ZDHHC5: variants seen among roughly 807,000 people sequenced by gnomAD.
The protein encoded by ZDHHC5 is zDHHC palmitoyltransferase 5, also known as palmitoyltransferase ZDHHC5.
Under a neutral mutation model 70.0 loss-of-function variants are expected in ZDHHC5, and 22 were observed. That is an observed-to-expected ratio of 0.31 (90% CI 0.22 to 0.45). The LOEUF (loss-of-function observed/expected upper bound fraction) is 0.45. Among genes scored for constraint, ZDHHC5 ranks in the 20% least tolerant of loss-of-function variants. The pLI, the probability that ZDHHC5 is intolerant of heterozygous loss-of-function variation, is 1.00. For missense variants in ZDHHC5, 746 were observed against 926.9 expected, an observed-to-expected ratio of 0.80 and a Z score of 2.53; for synonymous variants, 313 against 347.8, an observed-to-expected ratio of 0.90 and a Z score of 1.11.
At chr11:57,679,927 C>G (rs1442027725) in intron 2 of ZDHHC5, among the ~76,000 whole-genome samples, 2 of 152,092 alleles carry the variant, frequency 1.3e-5, no homozygotes, top group Admixed American at 6.6e-5. Flanking sequence ...TTTCTAGATT[C>G]TGGCACTGTG....
intron 9 of ZDHHC5, among the ~76,000 whole-genome samples, 160 bp downstream of exon 9, chr11:57,696,203 A>G (rs1043202813): frequency 3.3e-5 from 5 of 152,178 alleles, no homozygotes; most frequent in Admixed American, 6.5e-5. Context: ...ACTGAAAGAG[A>G]AGAGAGGCCA....
intron 5 of ZDHHC5, 44 bp downstream of exon 5, chr11:57,690,247 G>C: frequency 6.2e-7 from 1 of 1,613,282 alleles, no homozygotes; most frequent in Non-Finnish European, 8.5e-7. Flanking sequence ...GAAGGGGGAG[G>C]AATGAGGGCT....
intron 2 of ZDHHC5, among the ~76,000 whole-genome samples, chr11:57,680,633 A>G (rs1019611573): frequency 2.0e-5 from 3 of 152,080 alleles, no homozygotes; most frequent in African/African-American, 7.2e-5. Flanking sequence ...CAAGTGAGTC[A>G]CCCTTTCTCT....
At chr11:57,686,016 A>G (rs1450120001) in intron 3 of ZDHHC5, among the ~76,000 whole-genome samples, 1 of 152,224 alleles carries the variant, frequency 6.6e-6, no homozygotes, top group Non-Finnish European at 1.5e-5. Context: ...GTGAGACTAC[A>G]TCTCAAAACA....
intron 4 of ZDHHC5, among the ~76,000 whole-genome samples, 177 bp downstream of exon 4, chr11:57,688,842 A>G (rs1314696099): frequency 1.3e-5 from 2 of 152,198 alleles, no homozygotes; most frequent in African/African-American, 4.8e-5. Flanking sequence ...GAGCATAAAT[A>G]TTATTGCAGG....
In ZDHHC5 at chr11:57,698,912, C is replaced by T. The variant is rs1946395017; in HGVS notation, c.1476C>T (p.Asp492=). The T allele has an allele frequency of 6.2e-7, 1 of 1,614,080 alleles. No individual in the cohort carries two copies. The highest frequency in any genetic ancestry group is 1.3e-5 in the African/African-American group (1 of 74,934). The change falls in exon 11 of 12, where the codon GAC becomes GAT. Residue 492 remains aspartate, a synonymous_variant. Transcript: ENST00000287169. ...CAGTGCAGGCAGGGCCTGAGCCAGA[C>T]CCACCTTTAGGCTATACCTCTCCCT... ...FESVQAGPEP[D]PPLGYTSPFL...
At chr11:57,687,432 G>A (rs1019412688) in intron 3 of ZDHHC5, among the ~76,000 whole-genome samples, 4 of 151,978 alleles carry the variant, frequency 2.6e-5, no homozygotes, top group African/African-American at 7.2e-5. Context: ...ATTAGCTGCC[G>A]AAGTGGCGTG....
At chr11:57,695,197 G>C (rs1946333880) in intron 8 of ZDHHC5, among the ~76,000 whole-genome samples, 1 of 152,152 alleles carries the variant, frequency 6.6e-6, no homozygotes, top group Non-Finnish European at 1.5e-5. Context: ...GGGAGGCGGA[G>C]GTTGCAGTGA....
chr11:57,699,522 A>AG (rs1946412323), intron 11 of ZDHHC5, 104 bp downstream of exon 11: 5 of 1,475,772 alleles, frequency 3.4e-6, no homozygotes, highest in Non-Finnish European at 3.6e-6. Flanking sequence ...AGGTGGACCC[A>AG]GGGGTATCCT....
intron 9 of ZDHHC5, among the ~76,000 whole-genome samples, chr11:57,696,389 C>G (rs1946352121): frequency 6.6e-6 from 1 of 152,156 alleles, no homozygotes; most frequent in Non-Finnish European, 1.5e-5. Context: ...CTTGTCCTCT[C>G]CCTGTACTTA....
Position 57,692,697 on chromosome 11 carries a change from A to G in ZDHHC5, c.747A>G (p.Ala249=), listed in dbSNP as rs1325789264. Residue 249 remains alanine (A), a synonymous_variant, in exon 7 of 12, where the codon GCA becomes GCG. Coordinates refer to ENST00000287169, the MANE Select transcript of ZDHHC5 (RefSeq NM_015457.3). ...GCCGTGTTCTCTGCAGTTCTCCAGC[A>G]CCCAGGTACACCTATCCCTCTGGTC... ...NVSRVLCSSP[A]PRYLGRPKKE... 1 of 1,614,072 alleles carries G rather than the reference A, an allele frequency of 6.2e-7. No homozygotes were observed. Among genetic ancestry groups the G allele is most frequent in the South Asian group, 1.1e-5 (1 of 91,070 alleles).
chr11:57,686,318 A>G (rs1444626023), intron 3 of ZDHHC5, among the ~76,000 whole-genome samples: 1 of 151,898 alleles, frequency 6.6e-6, no homozygotes, highest in African/African-American at 2.4e-5. Context: ...AAAGAAAAAA[A>G]TCTTTTTTTT....
rs75354968 is a variant in ZDHHC5, at chr11:57,686,673, G to A, written c.227-1835G>A. On this transcript the variant is annotated intron_variant, in intron 3 of 11. Transcript: ENST00000287169. ...TAAGTAGTGCACATTCATTATGTAC[G>A]AAGTACAAAAAAGGCAAAACATTAC... Among the ~76,000 whole-genome samples the A allele has an allele frequency of 6.8e-3, 1,028 of 152,076 alleles. 21 individuals are homozygous for A. Among genetic ancestry groups the A allele is most frequent in the Admixed American group, 0.052 (796 of 15,280 alleles).
chr11:57,681,951 G>T (rs1377605020), intron 2 of ZDHHC5, among the ~76,000 whole-genome samples: 1 of 152,240 alleles, frequency 6.6e-6, no homozygotes, highest in Admixed American at 6.5e-5. Context: ...CCCTGGCAAG[G>T]GGGAGGCGGG....
intron 3 of ZDHHC5, among the ~76,000 whole-genome samples, chr11:57,687,149 C>T (rs927754576): frequency 6.6e-6 from 1 of 152,042 alleles, no homozygotes; most frequent in Non-Finnish European, 1.5e-5. Context: ...CTTTACCTAG[C>T]ATTTCTTGTG....
Position 57,699,043 on chromosome 11 carries a change from T to C in ZDHHC5, c.1607T>C (p.Leu536Pro), listed in dbSNP as rs770950225. Residue 536 changes from leucine to proline, a missense_variant, in exon 11 of 12, where the codon CTG (leucine) becomes CCG (proline). Leu to Pro is a moderately conservative substitution (Grantham distance 98, BLOSUM62 -3). Transcript: ENST00000287169. ...REPSPVRYDN[L>P]SRHIVASLQE... is the part of the protein sequence containing the mutation. ...CCCTCACCAGTCCGTTACGACAATCTGTCGCGCCACATTGTGGCCTCTCTC... is the reference window on the plus strand; with the variant it reads ...CCCTCACCAGTCCGTTACGACAATCCGTCGCGCCACATTGTGGCCTCTCTC... 1 of 1,611,782 alleles carries C rather than the reference T, an allele frequency of 6.2e-7. No homozygotes were observed. Among genetic ancestry groups the C allele is most frequent in the East Asian group, 2.2e-5 (1 of 44,828 alleles).
rs1057370704 is a variant in ZDHHC5 at position 57,696,142 on chromosome 11, C to T, written c.1009+99C>T. 8 of 1,482,478 alleles carry T rather than the reference C, an allele frequency of 5.4e-6. No individual in the cohort carries two copies. In the African/African-American group the frequency reaches 7.0e-5, roughly 13 times the overall value. 91.8% of individuals were successfully genotyped at this position (1,482,478 alleles called of 1,614,324 possible). On this transcript the variant is annotated intron_variant, in intron 9 of 11. Coordinates refer to ENST00000287169, the MANE Select transcript of ZDHHC5 (RefSeq NM_015457.3). ...GACAGGCAAGGGCTGGGAGATATTA[C>T]TCGTGTTGTGACTTTAAACACCCAA...
Position 57,672,930 on chromosome 11 carries a change from T to G in ZDHHC5, c.-161T>G. On this transcript the variant is annotated 5_prime_UTR_variant, in exon 2 of 12. Coordinates refer to ENST00000287169, the MANE Select transcript of ZDHHC5 (RefSeq NM_015457.3). The stretch of plus-strand genomic sequence containing the variant: ...TCCTTCATTTGAGATCTTTTGACCT[T>G]TGGCTTTATTTGGGAGGGGGAAGGG... 1.7e-6 allele frequency: 1 copy of G among 596,828 alleles called. No homozygotes were observed. Among genetic ancestry groups the G allele is most frequent in the Non-Finnish European group, 2.9e-6 (1 of 340,380 alleles). The allele number at this position is 596,828 out of a possible 1,614,324, so 37.0% of individuals were successfully genotyped here. A position where few individuals can be genotyped will look rare whatever the true frequency, so the allele number is the denominator to read the frequency against.
Position 57,700,886 on chromosome 11 carries a change from T to C in ZDHHC5, c.*855T>C, listed in dbSNP as rs1946434361. 1 of 152,620 alleles carries C rather than the reference T, an allele frequency of 6.6e-6. No homozygotes were observed. The highest frequency in any genetic ancestry group is 1.5e-5 in the Non-Finnish European group (1 of 68,044). 9.5% of individuals were successfully genotyped at this position (152,620 alleles called of 1,614,324 possible). Reference sequence around the variant, plus strand: ...CTGGCCCCTTGGAGCCTCCCCTAGCTTACACAGTTAACTTGATTTTAAAAT... The same window carrying C: ...CTGGCCCCTTGGAGCCTCCCCTAGCCTACACAGTTAACTTGATTTTAAAAT... On this transcript the variant is annotated 3_prime_UTR_variant, in exon 12 of 12. Transcript: ENST00000287169.
Sources: gnomAD v4.1 joint callset for allele counts (sites outside exome capture counted in the v4.1 genomes callset) on GRCh38, gnomAD v4.1.1 for gene constraint, MANE v1.5 for transcripts, NCBI Gene and HGNC (gene_info 2026-07-23, HGNC 2026-07-21) for gene names.